FAAH2: variants seen among roughly 807,000 people sequenced by gnomAD.
FAAH2 encodes the protein fatty acid amide hydrolase 2.
A neutral mutation model predicts 36.9 loss-of-function variants in FAAH2; 60 were observed. That is an observed-to-expected ratio of 1.63 (90% CI 1.32 to 2.02). The LOEUF (loss-of-function observed/expected upper bound fraction) is 2.02. Ranked by LOEUF, FAAH2 falls within the 30% of genes most tolerant of loss-of-function variation. FAAH2 has a pLI of 0.00. For synonymous variants in FAAH2, 214 were observed against 143.8 expected (o/e 1.49, Z -3.49); for missense variants, 689 against 397.5 (o/e 1.73, Z -6.23).
At chrX:57,159,284 G>C in the FAAH2 span, among the ~76,000 whole-genome samples, 6 of 111,890 alleles carry the variant, frequency 5.4e-5, no homozygotes, top group Non-Finnish European at 1.1e-4. Flanking sequence ...GATGCCTCCA[G>C]CTTTGTTCTT....
chrX:57,216,552 ATATATATATATACGTATATG>A, the FAAH2 span, among the ~76,000 whole-genome samples: 213 of 30,689 alleles, frequency 6.9e-3, 19 homozygotes, highest in African/African-American at 0.014. Context: ...ACGTATATGT[ATATATATATATACGTATATG>A]TATATATATG....
At chrX:57,371,380 G>A (rs1039710398) in intron 5 of FAAH2, among the ~76,000 whole-genome samples, 1 of 111,741 alleles carries the variant, frequency 8.9e-6, no homozygotes, top group Non-Finnish European at 1.9e-5. Flanking sequence ...GTTTGCTTAG[G>A]ATATTGGCCT....
chrX:57,286,779 G>A lies in FAAH2; in HGVS notation c.-47G>A, dbSNP rs777111345. ...GTACTTTTCTCGTCCTTTCCCCAGG[G>A]TGCACGTAACCCTCAAGCACTAGGA... On this transcript the variant is annotated 5_prime_UTR_variant, in exon 1 of 11. The change creates a new upstream start codon in the 5' untranslated region. Transcript: ENST00000374900. 1.9e-6 allele frequency: 2 copies of A among 1,053,991 alleles called. No homozygotes were observed. The highest frequency in any genetic ancestry group is 3.4e-5 in the East Asian group (1 of 29,179). The allele number at this position is 1,053,991 out of a possible 1,213,427, so 86.9% of individuals were successfully genotyped here.
rs760226332 is a variant in FAAH2 at position 57,448,613 on chromosome X, G to A, written c.1318G>A (p.Val440Met). The A allele has an allele frequency of 1.2e-5, 14 of 1,211,502 alleles. No homozygotes were observed. The highest frequency in any genetic ancestry group is 2.3e-4 in the Middle Eastern group (1 of 4,353). The change falls in exon 10 of 11, where the codon GTG becomes ATG. Residue 440 changes from valine to methionine, a missense_variant. Transcript: ENST00000374900. ...AVEESLRKEL[V>M]DMLGDDGVFL... ...GGAAGAAAGCCTGCGTAAAGAGCTG[G>A]TGGATATGCTAGGTGATGATGGTGT...
the FAAH2 span, among the ~76,000 whole-genome samples, chrX:57,168,197 T>TG: frequency 9.0e-6 from 1 of 111,333 alleles, no homozygotes; most frequent in Admixed American, 9.6e-5. Context: ...ACTTACAAGA[T>TG]GCTCCAGTCT....
At chrX:57,185,577 C>CA in the FAAH2 span, among the ~76,000 whole-genome samples, 1 of 107,876 alleles carries the variant, frequency 9.3e-6, no homozygotes, top group Non-Finnish European at 1.9e-5. Flanking sequence ...TTCTGGGATA[C>CA]ATGTGATGAA....
At chrX:57,480,221 C>T (rs980843117) in intron 10 of FAAH2, among the ~76,000 whole-genome samples, 2 of 111,658 alleles carry the variant, frequency 1.8e-5, no homozygotes, top group Non-Finnish European at 3.8e-5. Context: ...GAAACTATTC[C>T]TATCAATAGA....
At chrX:57,193,617 C>A in the FAAH2 span, among the ~76,000 whole-genome samples, 10 of 111,673 alleles carry the variant, frequency 9.0e-5, no homozygotes, top group East Asian at 2.8e-3. Flanking sequence ...GGATGCCCAG[C>A]TTTAAAATTT....
chrX:57,257,882 A>G, the FAAH2 span, among the ~76,000 whole-genome samples: 2 of 111,833 alleles, frequency 1.8e-5, no homozygotes, highest in East Asian at 5.6e-4. Context: ...CAATATTGCC[A>G]AAGTGTCCAT....
intron 5 of FAAH2, among the ~76,000 whole-genome samples, chrX:57,349,082 A>G: frequency 1.0e-5 from 1 of 97,778 alleles, no homozygotes; most frequent in South Asian, 4.3e-4. Context: ...TTATATATAC[A>G]CATATATATA....
the FAAH2 span, among the ~76,000 whole-genome samples, chrX:57,149,304 A>G: frequency 9.0e-5 from 10 of 111,327 alleles, no homozygotes; most frequent in African/African-American, 2.9e-4. Flanking sequence ...CTGTTTTTCT[A>G]TTGATGGGAA....
intron 10 of FAAH2, among the ~76,000 whole-genome samples, chrX:57,482,709 A>ATTTTTT (rs368783162): frequency 4.7e-5 from 3 of 63,863 alleles, no homozygotes; most frequent in Non-Finnish European, 8.7e-5. Flanking sequence ...CATTCCCTCA[A>ATTTTTT]TTTTTTTTTT....
At position 57,306,690 on chromosome X, in the gene FAAH2, TTG is replaced by T. The variant is rs758466450; in HGVS notation, c.276-3863_276-3862del. Reference sequence around the variant, plus strand: ...TCAGTACAACGAGACTAGCAACATCTTGTGTGTGTGTGTGTGTGTGTGTGTGT... The same window carrying T: ...TCAGTACAACGAGACTAGCAACATCTTGTGTGTGTGTGTGTGTGTGTGTGT... On this transcript the variant is annotated intron_variant, in intron 2 of 10. Coordinates refer to ENST00000374900, the MANE Select transcript of FAAH2 (RefSeq NM_174912.4). Among the ~76,000 whole-genome samples the T allele has an allele frequency of 5.4e-3, 367 of 68,565 alleles. 1 individual carries two copies. The highest frequency in any genetic ancestry group is 0.013 in the African/African-American group (208 of 15,863). The allele number at this position is 68,565 out of a possible 115,157, so 59.5% of individuals were successfully genotyped here. A position where few individuals can be genotyped will look rare whatever the true frequency, so the allele number is the denominator to read the frequency against.
At chrX:57,420,309 G>A (rs915976360) in intron 7 of FAAH2, among the ~76,000 whole-genome samples, 9 of 111,592 alleles carry the variant, frequency 8.1e-5, no homozygotes, top group African/African-American at 2.3e-4. Flanking sequence ...TTTACCTTGG[G>A]CAGTATGGCC....
At chrX:57,180,415 A>G in the FAAH2 span, among the ~76,000 whole-genome samples, 1 of 111,853 alleles carries the variant, frequency 8.9e-6, no homozygotes, top group Non-Finnish European at 1.9e-5. Context: ...ATTAGAAATG[A>G]CTAAAGAAGT....
chrX:57,182,137 G>A, the FAAH2 span, among the ~76,000 whole-genome samples: 1 of 111,594 alleles, frequency 9.0e-6, no homozygotes, highest in South Asian at 3.7e-4. Context: ...AAAAACCCTG[G>A]GAGACAACCT....
At chrX:57,264,148 T>C in the FAAH2 span, among the ~76,000 whole-genome samples, 1 of 112,054 alleles carries the variant, frequency 8.9e-6, no homozygotes, top group Admixed American at 9.5e-5. Context: ...TTTTAGAATC[T>C]AGTGTTGACA....
intron 3 of FAAH2, among the ~76,000 whole-genome samples, chrX:57,323,253 T>A (rs961947569): frequency 8.9e-6 from 1 of 111,820 alleles, no homozygotes; most frequent in Non-Finnish European, 1.9e-5. Context: ...TTTGGGTTGG[T>A]TCCAAGTCTT....
intron 10 of FAAH2, among the ~76,000 whole-genome samples, chrX:57,479,330 G>A (rs906959080): frequency 4.5e-5 from 5 of 111,754 alleles, no homozygotes; most frequent in East Asian, 5.6e-4. Context: ...ATTTTTGTAC[G>A]TTGATTTTTG....
Sources: allele counts gnomAD v4.1 joint callset (sites outside exome capture counted in the v4.1 genomes callset), GRCh38; gene constraint gnomAD v4.1.1; transcripts MANE v1.5; gene names NCBI Gene and HGNC (gene_info 2026-07-23, HGNC 2026-07-21).